FRMD4A: variants seen among roughly 807,000 people sequenced by gnomAD.
The protein encoded by FRMD4A is FERM domain-containing protein 4A.
In FRMD4A, 29 loss-of-function variants were observed where a neutral mutation model predicts 129.1. The observed-to-expected ratio is 0.22, with a 90% confidence interval of 0.17 to 0.31. FRMD4A has a LOEUF of 0.31. Among genes scored for constraint, FRMD4A ranks in the 10% least tolerant of loss-of-function variants. FRMD4A has a pLI of 1.00. For synonymous variants in FRMD4A, 634 were observed against 571.6 expected, an observed-to-expected ratio of 1.11 and a Z score of -1.56; for missense variants, 1,272 against 1,375.8, an observed-to-expected ratio of 0.92 and a Z score of 1.19.
At chr10:13,968,078 C>T (rs999034233) in intron 2 of FRMD4A, among the ~76,000 whole-genome samples, 1 of 152,150 alleles carries the variant, frequency 6.6e-6, no homozygotes, top group East Asian at 1.9e-4. Context: ...CTGATGCTGC[C>T]TTTTGCTATG....
chr10:14,193,018 A>C (rs1419446370), intron 2 of FRMD4A, among the ~76,000 whole-genome samples: 3 of 152,240 alleles, frequency 2.0e-5, no homozygotes, highest in Admixed American at 2.0e-4. Flanking sequence ...CAAGGACTGC[A>C]CTGTTATCCT....
At position 13,876,607 on chromosome 10, in the gene FRMD4A, G is replaced by A. The variant is rs568782974; in HGVS notation, c.46-17695C>T. Among the ~76,000 whole-genome samples, 16 of 152,132 alleles carry A rather than the reference G, an allele frequency of 1.1e-4. No homozygotes were observed. In the South Asian group the frequency reaches 1.5e-3, roughly 14 times the overall value. On this transcript the variant is annotated intron_variant, in intron 2 of 24. Transcript: ENST00000357447. ...GTTTCAGTGTCCAGTTTAATCTGTC[G>A]TTTTAAATGAAATTTTAAAAAAATT...
chr10:13,703,413 A>C (rs975143637), intron 13 of FRMD4A, among the ~76,000 whole-genome samples: 4 of 152,220 alleles, frequency 2.6e-5, no homozygotes, highest in African/African-American at 7.2e-5. Flanking sequence ...CCAGGGGGAG[A>C]AAGTGCACAG....
intron 2 of FRMD4A, among the ~76,000 whole-genome samples, chr10:14,161,142 G>A (rs963924575): frequency 1.3e-5 from 2 of 152,160 alleles, no homozygotes; most frequent in Non-Finnish European, 2.9e-5. Flanking sequence ...TTTTAGCAGA[G>A]ACAGGGTTTC....
chr10:14,170,880 C>T (rs530615398), intron 2 of FRMD4A, among the ~76,000 whole-genome samples: 2 of 152,038 alleles, frequency 1.3e-5, no homozygotes, highest in South Asian at 2.1e-4. Flanking sequence ...TCTTTTGATG[C>T]CACAGTTTCT....
intron 2 of FRMD4A, among the ~76,000 whole-genome samples, chr10:14,239,447 G>GA (rs1319547278): frequency 6.6e-6 from 1 of 152,126 alleles, no homozygotes; most frequent in Non-Finnish European, 1.5e-5. Flanking sequence ...CTAACATGGT[G>GA]AAACCCCGTC....
At chr10:14,100,501 T>A in intron 2 of FRMD4A, among the ~76,000 whole-genome samples, 1 of 152,126 alleles carries the variant, frequency 6.6e-6, no homozygotes, top group South Asian at 2.1e-4. Context: ...TTCCACCCTA[T>A]TTCCCCCCGA....
chr10:13,660,998 G>A (rs1202605072), intron 19 of FRMD4A, among the ~76,000 whole-genome samples: 4 of 152,104 alleles, frequency 2.6e-5, no homozygotes, highest in Non-Finnish European at 5.9e-5. Context: ...ATCCTCAGCC[G>A]ACACATAGTA....
At chr10:13,909,005 G>A (rs903000325) in intron 2 of FRMD4A, among the ~76,000 whole-genome samples, 4 of 152,204 alleles carry the variant, frequency 2.6e-5, no homozygotes, top group Admixed American at 6.5e-5. Context: ...CCTAGTTACA[G>A]TTTTAGCCTC....
intron 6 of FRMD4A, among the ~76,000 whole-genome samples, chr10:13,771,884 A>T (rs898553134): frequency 4.6e-5 from 7 of 152,052 alleles, no homozygotes; most frequent in Non-Finnish European, 8.8e-5. Context: ...GTTCAAGACC[A>T]GCCTGGGCAA....
intron 2 of FRMD4A, among the ~76,000 whole-genome samples, chr10:13,966,345 AT>A: frequency 6.6e-6 from 1 of 152,290 alleles, no homozygotes; most frequent in Middle Eastern, 3.4e-3. Context: ...CCCCAATTAT[AT>A]TAAGTTGGTG....
At chr10:14,210,595 A>T (rs1842907941) in intron 2 of FRMD4A, among the ~76,000 whole-genome samples, 1 of 152,204 alleles carries the variant, frequency 6.6e-6, no homozygotes, top group Non-Finnish European at 1.5e-5. Context: ...TGTGCCAGCC[A>T]GGAGTAGGTG....
chr10:13,981,555 G>A (rs552134262), intron 2 of FRMD4A, among the ~76,000 whole-genome samples: 4 of 151,740 alleles, frequency 2.6e-5, no homozygotes, highest in East Asian at 1.9e-4. Flanking sequence ...CCTGGCCAAC[G>A]TGGTGAAACC....
In FRMD4A at chr10:14,020,125, C is replaced by T. The variant is rs1832672876; in HGVS notation, c.46-161213G>A. On this transcript the variant is annotated intron_variant, in intron 2 of 24. Coordinates refer to ENST00000357447, the MANE Select transcript of FRMD4A (RefSeq NM_018027.5). Reference sequence around the variant, plus strand: ...GCCATTCGTGTGCTTGGACTGATCTCCCGTCTTGTGCTCTTGGCATTGGTG... The same window carrying T: ...GCCATTCGTGTGCTTGGACTGATCTTCCGTCTTGTGCTCTTGGCATTGGTG... Among the ~76,000 whole-genome samples the T allele has an allele frequency of 2.0e-5, 3 of 152,214 alleles. No homozygotes were observed. In the South Asian group the frequency reaches 6.2e-4, roughly 32 times the overall value.
At chr10:14,320,291 G>C (rs74122211) in intron 2 of FRMD4A, among the ~76,000 whole-genome samples, 7,314 of 152,144 alleles carry the variant, frequency 0.048, 577 homozygotes, top group African/African-American at 0.17. Flanking sequence ...GCAATGTCTT[G>C]CCTTATTCTT....
chr10:14,259,709 C>T (rs537665962), intron 2 of FRMD4A, among the ~76,000 whole-genome samples: 2 of 152,282 alleles, frequency 1.3e-5, no homozygotes, highest in East Asian at 3.9e-4. Context: ...TGCAAATTTA[C>T]ATGCACAAAG....
At chr10:13,752,566 G>A (rs769391725) in intron 8 of FRMD4A, among the ~76,000 whole-genome samples, 1 of 152,170 alleles carries the variant, frequency 6.6e-6, no homozygotes, top group Non-Finnish European at 1.5e-5. Flanking sequence ...AAAACCAGTC[G>A]TTTCTGTCTG....
At chr10:13,654,207 C>CACAG in intron 23 of FRMD4A, 1 of 597,272 alleles carries the variant, frequency 1.7e-6, no homozygotes, top group Non-Finnish European at 3.0e-6. Context: ...TTTAAGAGAA[C>CACAG]ACAGACAATT....
chr10:13,922,108 G>A (rs1041923611), intron 2 of FRMD4A, among the ~76,000 whole-genome samples: 1 of 152,146 alleles, frequency 6.6e-6, no homozygotes, highest in Admixed American at 6.5e-5. Flanking sequence ...TGCAAGCCAG[G>A]AAGAGAGCCC....
Sources: allele counts gnomAD v4.1 joint callset (sites outside exome capture counted in the v4.1 genomes callset), GRCh38; gene constraint gnomAD v4.1.1; transcripts MANE v1.5; gene names NCBI Gene and HGNC (gene_info 2026-07-23, HGNC 2026-07-21).